ELP3: variants seen among roughly 807,000 people sequenced by gnomAD.
ELP3 encodes elongator acetyltransferase complex subunit 3.
A neutral mutation model predicts 74.9 loss-of-function variants in ELP3; 56 were observed. That is an observed-to-expected ratio of 0.75 (90% CI 0.60 to 0.93). ELP3 has a LOEUF of 0.93. ELP3 is among the 40% of genes least tolerant of loss of function. The pLI, the probability that ELP3 is intolerant of heterozygous loss-of-function variation, is 0.00. For missense variants in ELP3, 573 were observed against 686.5 expected, an observed-to-expected ratio of 0.83 and a Z score of 1.85; for synonymous variants, 222 against 239.8, an observed-to-expected ratio of 0.93 and a Z score of 0.68.
chr8:28,151,699 G>C (rs1187748344), intron 10 of ELP3, among the ~76,000 whole-genome samples: 1 of 152,172 alleles, frequency 6.6e-6, no homozygotes, highest in Non-Finnish European at 1.5e-5. Context: ...GATGGGACAG[G>C]ATGACTAGAG....
chr8:28,093,349 C>G (rs1483704648), intron 1 of ELP3, 116 bp downstream of exon 1: 8 of 1,428,886 alleles, frequency 5.6e-6, no homozygotes, highest in Non-Finnish European at 6.7e-6. Context: ...TCCAGTCGCC[C>G]CGCCACCTAG....
intron 2 of ELP3, among the ~76,000 whole-genome samples, chr8:28,099,564 C>G (rs943905330): frequency 6.6e-6 from 1 of 152,194 alleles, no homozygotes; most frequent in African/African-American, 2.4e-5. Context: ...TGAACTAGAT[C>G]TATATTGTGT....
At chr8:28,157,964 T>TC (rs774339574) in intron 11 of ELP3, among the ~76,000 whole-genome samples, 3 of 148,336 alleles carry the variant, frequency 2.0e-5, no homozygotes, top group Non-Finnish European at 4.5e-5. Context: ...TCTAGGTTCC[T>TC]CCTCCCTCCC....
intron 7 of ELP3, among the ~76,000 whole-genome samples, chr8:28,116,661 C>A (rs1812150161): frequency 6.6e-6 from 1 of 152,164 alleles, no homozygotes; most frequent in South Asian, 2.1e-4. Context: ...AACACTTGAA[C>A]CCAGGAGGCA....
Position 28,190,501 on chromosome 8 carries a change from T to G in ELP3, c.*776T>G, listed in dbSNP as rs527456803. 1 of 152,258 alleles carries G rather than the reference T, an allele frequency of 6.6e-6. No homozygotes were observed. The highest frequency in any genetic ancestry group is 1.5e-5 in the Non-Finnish European group (1 of 68,054). 9.4% of individuals were successfully genotyped at this position (152,258 alleles called of 1,614,324 possible). ...AGCGTTTGGCTTTCCTGTCTGTCTA[T>G]CCTGAGCGGGTGGAGTCTCAGGTTG... On this transcript the variant is annotated 3_prime_UTR_variant, in exon 15 of 15. Transcript: ENST00000256398.
intron 14 of ELP3, among the ~76,000 whole-genome samples, chr8:28,180,768 A>G (rs975067650): frequency 6.6e-6 from 1 of 152,200 alleles, no homozygotes; most frequent in Non-Finnish European, 1.5e-5. Context: ...GAAGATTCCT[A>G]TCCCCACCAC....
intron 10 of ELP3, among the ~76,000 whole-genome samples, chr8:28,150,978 T>G (rs1813620882): frequency 6.6e-6 from 1 of 152,128 alleles, no homozygotes; most frequent in African/African-American, 2.4e-5. Context: ...TCTCATTATG[T>G]TGTCTAGGCT....
At chr8:28,163,822 G>A (rs1220959780) in intron 14 of ELP3, among the ~76,000 whole-genome samples, 1 of 152,138 alleles carries the variant, frequency 6.6e-6, no homozygotes, top group Non-Finnish European at 1.5e-5. Flanking sequence ...TGAAACTTCA[G>A]TGTGCTTACA....
chr8:28,175,900 C>T (rs955731825), intron 14 of ELP3, among the ~76,000 whole-genome samples: 16 of 150,352 alleles, frequency 1.1e-4, no homozygotes, highest in Admixed American at 3.3e-4. Flanking sequence ...CTGCAACCTC[C>T]GCCTCGCGGT....
chr8:28,164,521 TCTA>T (rs1814231458), intron 14 of ELP3, among the ~76,000 whole-genome samples: 3 of 152,158 alleles, frequency 2.0e-5, no homozygotes, highest in Non-Finnish European at 4.4e-5. Context: ...TTCTTGGGAC[TCTA>T]GTGAGTTCAG....
intron 10 of ELP3, among the ~76,000 whole-genome samples, chr8:28,140,512 T>C (rs1262665121): frequency 1.3e-5 from 2 of 152,172 alleles, no homozygotes; most frequent in Non-Finnish European, 2.9e-5. Flanking sequence ...TCACTAAAAT[T>C]CGTTTGTGAC....
At chr8:28,155,215 G>A (rs1293482846) in intron 10 of ELP3, among the ~76,000 whole-genome samples, 2 of 152,286 alleles carry the variant, frequency 1.3e-5, no homozygotes, top group East Asian at 1.9e-4. Flanking sequence ...CAGATGTGCC[G>A]AGCATATTTT....
chr8:28,096,614 G>A (rs996739454), intron 1 of ELP3, among the ~76,000 whole-genome samples: 2 of 152,244 alleles, frequency 1.3e-5, no homozygotes, highest in African/African-American at 4.8e-5. Context: ...GTCAGCTTCT[G>A]CTGTTGCCTT....
intron 10 of ELP3, among the ~76,000 whole-genome samples, chr8:28,146,672 T>C (rs977972861): frequency 1.1e-4 from 17 of 152,208 alleles, no homozygotes; most frequent in African/African-American, 3.9e-4. Flanking sequence ...ATAGTCCAGA[T>C]TGCTTACTGC....
intron 7 of ELP3, among the ~76,000 whole-genome samples, chr8:28,122,170 A>G (rs1812399133): frequency 6.6e-6 from 1 of 152,084 alleles, no homozygotes; most frequent in Non-Finnish European, 1.5e-5. Flanking sequence ...CATCATCTTT[A>G]CATATTGTTG....
intron 3 of ELP3, among the ~76,000 whole-genome samples, chr8:28,106,486 G>A (rs1042250513): frequency 8.9e-5 from 13 of 146,252 alleles, no homozygotes; most frequent in Non-Finnish European, 1.3e-4. Context: ...CTTGCAGTGA[G>A]CCGAGATCCC....
intron 10 of ELP3, among the ~76,000 whole-genome samples, chr8:28,145,873 C>T (rs1255401525): frequency 6.6e-6 from 1 of 152,200 alleles, no homozygotes; most frequent in Non-Finnish European, 1.5e-5. Flanking sequence ...ATCCACCTGC[C>T]TCGGCCACCC....
At chr8:28,181,556 A>G (rs1335383400) in intron 14 of ELP3, among the ~76,000 whole-genome samples, 1 of 152,272 alleles carries the variant, frequency 6.6e-6, no homozygotes, top group African/African-American at 2.4e-5. Context: ...ATCAAAGGAC[A>G]TTGAAAAACT....
At chr8:28,138,133 A>G (rs1042662901) in intron 10 of ELP3, among the ~76,000 whole-genome samples, 2 of 152,202 alleles carry the variant, frequency 1.3e-5, no homozygotes, top group South Asian at 2.1e-4. Context: ...ATGACGGTCA[A>G]TAGGCATGGT....
Sources: gnomAD v4.1 joint callset for allele counts (sites outside exome capture counted in the v4.1 genomes callset) on GRCh38, gnomAD v4.1.1 for gene constraint, MANE v1.5 for transcripts, NCBI Gene and HGNC (gene_info 2026-07-23, HGNC 2026-07-21) for gene names.